Variants in C2orf74 observed in about 807,000 individuals in gnomAD.
C2orf74 encodes DPM1 ER membrane anchor 1.
A neutral mutation model predicts 17.9 loss-of-function variants in C2orf74; 14 were observed. That is an observed-to-expected ratio of 0.78 (90% CI 0.52 to 1.22). The LOEUF (loss-of-function observed/expected upper bound fraction) is 1.22. Among genes scored for constraint, C2orf74 ranks in the 50% most tolerant of loss-of-function variants. The pLI is 0.00. For missense variants in C2orf74, 217 were observed against 218.4 expected (o/e 0.99, Z 0.04); for synonymous variants, 79 against 72.6 (o/e 1.09, Z -0.44).
chr2:61,158,384 G>C (rs924274070), upstream of C2orf74, among the ~76,000 whole-genome samples: 3 of 152,328 alleles, frequency 2.0e-5, no homozygotes, highest in Non-Finnish European at 2.9e-5. Context: ...TCACTTCCCA[G>C]CATGCCTGGG....
At chr2:61,146,932 T>C (rs998684086) in intron 1 of C2orf74, among the ~76,000 whole-genome samples, 4 of 151,972 alleles carry the variant, frequency 2.6e-5, no homozygotes, top group African/African-American at 9.7e-5. Flanking sequence ...GGAGGATTGC[T>C]TGAGCACAGG....
intron 4 of C2orf74, among the ~76,000 whole-genome samples, 178 bp downstream of exon 4, chr2:61,163,410 C>T (rs1020049664): frequency 6.6e-6 from 1 of 151,990 alleles, no homozygotes; most frequent in Non-Finnish European, 1.5e-5. Flanking sequence ...TCGAGACCAG[C>T]CTGGCCAACA....
At chr2:61,162,796 C>G (rs1490647362) in intron 2 of C2orf74, 46 bp from the exon 3 acceptor site, 11 of 1,456,760 alleles carry the variant, frequency 7.6e-6, no homozygotes, top group Non-Finnish European at 1.0e-5. Flanking sequence ...ACCTTAAAAT[C>G]AGGGCCATTC....
chr2:61,147,178 G>T (rs1417871233), intron 1 of C2orf74, among the ~76,000 whole-genome samples: 1 of 149,948 alleles, frequency 6.7e-6, no homozygotes, highest in African/African-American at 2.4e-5. Flanking sequence ...AAAAGAGAAA[G>T]AAAGAAAAAA....
intron 1 of C2orf74, among the ~76,000 whole-genome samples, chr2:61,155,600 A>C (rs1290060686): frequency 6.6e-6 from 1 of 151,990 alleles, no homozygotes; most frequent in East Asian, 1.9e-4. Context: ...GGCTCACTGC[A>C]AGCTCCACCT....
At chr2:61,159,821 T>C (rs1685508584), upstream of C2orf74, among the ~76,000 whole-genome samples, 1 of 152,234 alleles carries the variant, frequency 6.6e-6, no homozygotes, top group East Asian at 1.9e-4. Context: ...TGATAAAATA[T>C]ACATAACATA....
chr2:61,145,911 A>G (rs554521042), intron 1 of C2orf74, among the ~76,000 whole-genome samples: 1 of 152,302 alleles, frequency 6.6e-6, no homozygotes, highest in South Asian at 2.1e-4. Flanking sequence ...AATATACTCA[A>G]TATAGGAGGG....
chr2:61,160,219 G>A (rs190193799), upstream of C2orf74, among the ~76,000 whole-genome samples: 471 of 151,110 alleles, frequency 3.1e-3, 2 homozygotes, highest in Non-Finnish European at 5.0e-3. Flanking sequence ...AGAGTGCTAT[G>A]GTGCAATTTT....
chr2:61,162,797 A>C (rs1179286728), intron 2 of C2orf74, 45 bp from the exon 3 acceptor site: 1 of 1,460,256 alleles, frequency 6.8e-7, no homozygotes, highest in Non-Finnish European at 9.4e-7. Context: ...CCTTAAAATC[A>C]GGGCCATTCT....
chr2:61,153,012 C>T (rs1015739379), intron 1 of C2orf74, among the ~76,000 whole-genome samples: 4 of 151,246 alleles, frequency 2.6e-5, no homozygotes, highest in Admixed American at 2.6e-4. Context: ...ATTAGCCGGG[C>T]GTTGTAGTGC....
At chr2:61,148,599 T>C (rs1685136967) in intron 1 of C2orf74, among the ~76,000 whole-genome samples, 1 of 152,276 alleles carries the variant, frequency 6.6e-6, no homozygotes, top group African/African-American at 2.4e-5. Flanking sequence ...CTCATTTGGA[T>C]ATCCTCTTGC....
chr2:61,160,470 T>C (rs1331269737), upstream of C2orf74, among the ~76,000 whole-genome samples: 1 of 150,988 alleles, frequency 6.6e-6, no homozygotes, highest in African/African-American at 2.4e-5. Flanking sequence ...CGGAATTTCA[T>C]TCCTTTTAAA....
At chr2:61,154,633 A>G (rs957075674) in intron 1 of C2orf74, among the ~76,000 whole-genome samples, 1 of 152,196 alleles carries the variant, frequency 6.6e-6, no homozygotes. Context: ...ATCCAAAAAC[A>G]TCCTAAAAAA....
Position 61,163,050 on chromosome 2 carries a change from A to G in C2orf74, c.210-2A>G. On this transcript the variant is annotated splice_acceptor_variant, in intron 3 of 4. Transcript: ENST00000432605. LOFTEE classifies it high-confidence loss of function. Reference sequence around the variant, plus strand: ...TTAAAACTCTACCGATTAATTTTCTAGGATCTTAATGCAAGTCATGAACTT... The same window carrying G: ...TTAAAACTCTACCGATTAATTTTCTGGGATCTTAATGCAAGTCATGAACTT... 1.9e-6 allele frequency: 3 copies of G among 1,552,130 alleles called. No homozygotes were observed. The highest frequency in any genetic ancestry group is 2.6e-6 in the Non-Finnish European group (3 of 1,146,992).
chr2:61,153,164 AAAAC>A (rs1212137031), intron 1 of C2orf74, among the ~76,000 whole-genome samples: 2 of 152,076 alleles, frequency 1.3e-5, no homozygotes, highest in African/African-American at 4.8e-5. Context: ...AAAAAAAAAA[AAAAC>A]AACATTACCA....
At chr2:61,159,234 G>A (rs1031428027), upstream of C2orf74, 1 of 329,064 alleles carries the variant, frequency 3.0e-6, no homozygotes, top group African/African-American at 2.2e-5. Flanking sequence ...CTGACCTTGT[G>A]ATCCTCCTGC....
At chr2:61,155,856 G>A (rs1201835781) in intron 1 of C2orf74, among the ~76,000 whole-genome samples, 1 of 151,204 alleles carries the variant, frequency 6.6e-6, no homozygotes, top group Non-Finnish European at 1.5e-5. Flanking sequence ...CAGTTTTAAA[G>A]CAGAACATTG....
At chr2:61,155,820 C>A (rs552855139) in intron 1 of C2orf74, among the ~76,000 whole-genome samples, 5 of 130,472 alleles carry the variant, frequency 3.8e-5, no homozygotes, top group African/African-American at 1.5e-4. Flanking sequence ...GTGCCCGGCC[C>A]CAGAAATCAA....
At chr2:61,151,084 G>A (rs1184612137) in intron 1 of C2orf74, among the ~76,000 whole-genome samples, 2 of 152,008 alleles carry the variant, frequency 1.3e-5, no homozygotes, top group Admixed American at 6.6e-5. Context: ...TTGGGAGGCC[G>A]AGGCGGGAGG....
Sources: gnomAD v4.1 joint callset for allele counts (sites outside exome capture counted in the v4.1 genomes callset) on GRCh38, gnomAD v4.1.1 for gene constraint, MANE v1.5 for transcripts, NCBI Gene and HGNC (gene_info 2026-07-23, HGNC 2026-07-21) for gene names.